Variants in TF observed in about 807,000 individuals in gnomAD.
TF encodes transferrin.
A neutral mutation model predicts 82.4 loss-of-function variants in TF; 55 were observed. That is an observed-to-expected ratio of 0.67 (90% CI 0.54 to 0.84). TF has a LOEUF of 0.84. Among genes scored for constraint, TF ranks in the 40% least tolerant of loss-of-function variants. TF has a pLI of 0.00. For missense variants in TF, 737 were observed against 868.4 expected (o/e 0.85, Z 1.90); for synonymous variants, 332 against 332.6 (o/e 1.00, Z 0.02).
chr3:133,764,320 C>T (rs767611096), intron 10 of TF, 45 bp downstream of exon 10: 5 of 1,488,752 alleles, frequency 3.4e-6, no homozygotes, highest in African/African-American at 1.4e-5. Flanking sequence ...CCCTCAGGGC[C>T]ATGGAGAGAG....
intron 14 of TF, chr3:133,774,939 G>T: frequency 2.6e-6 from 1 of 388,216 alleles, no homozygotes; most frequent in South Asian, 2.0e-5. Context: ...GTATCACACA[G>T]GTGTGTGCAC....
At chr3:133,719,397 A>G in the TF span, among the ~76,000 whole-genome samples, 1 of 152,094 alleles carries the variant, frequency 6.6e-6, no homozygotes, top group African/African-American at 2.4e-5. Context: ...TGTCCATGAC[A>G]TTTTCCCCTA....
At chr3:133,726,373 G>A in the TF span, among the ~76,000 whole-genome samples, 2 of 152,006 alleles carry the variant, frequency 1.3e-5, no homozygotes, top group African/African-American at 4.8e-5. Flanking sequence ...ACTTCTTCCT[G>A]GTTTAGTCTT....
At chr3:133,705,132 G>T in the TF span, among the ~76,000 whole-genome samples, 1 of 152,120 alleles carries the variant, frequency 6.6e-6, no homozygotes, top group Non-Finnish European at 1.5e-5. Context: ...AAAATTAGCA[G>T]GGCATGGCAG....
rs1933603249 is a variant in TF, at chr3:133,749,518, GA to G, written c.216+939del. On this transcript the variant is annotated intron_variant, in intron 2 of 16. Coordinates refer to ENST00000402696, the MANE Select transcript of TF (RefSeq NM_001063.4). The stretch of plus-strand genomic sequence containing the variant: ...AAAATGTGGGGATGTACAATGGAGG[GA>G]AAAAGGAGAGTGTTCTGACAGGGAC... 7.2e-5 allele frequency among the ~76,000 whole-genome samples: 11 copies of G among 152,278 alleles called. No homozygotes were observed. In the South Asian group the frequency reaches 2.3e-3, roughly 32 times the overall value.
chr3:133,768,674 A>G (rs767241084), intron 13 of TF, among the ~76,000 whole-genome samples: 1 of 152,118 alleles, frequency 6.6e-6, no homozygotes, highest in Admixed American at 6.5e-5. Context: ...ATCCAGAACA[A>G]TACTCATCTG....
the TF span, among the ~76,000 whole-genome samples, chr3:133,705,935 A>G: frequency 7.2e-5 from 11 of 152,320 alleles, no homozygotes; most frequent in South Asian, 4.1e-4. Context: ...TTTGCAGGGC[A>G]CTTTATAGTT....
At chr3:133,725,669 C>T in the TF span, among the ~76,000 whole-genome samples, 1 of 151,334 alleles carries the variant, frequency 6.6e-6, no homozygotes, top group South Asian at 2.1e-4. Context: ...GCCTAATTGC[C>T]CTGGCCAGAA....
chr3:133,736,241 G>C, the TF span, among the ~76,000 whole-genome samples: 1 of 152,140 alleles, frequency 6.6e-6, no homozygotes, highest in African/African-American at 2.4e-5. Flanking sequence ...ATCCTTTACA[G>C]ACAAGCAACT....
At chr3:133,690,110 A>T in the TF span, among the ~76,000 whole-genome samples, 1 of 152,180 alleles carries the variant, frequency 6.6e-6, no homozygotes, top group African/African-American at 2.4e-5. Context: ...CATAGACATA[A>T]CTAGATAAAT....
At chr3:133,706,821 T>C in the TF span, among the ~76,000 whole-genome samples, 1 of 152,140 alleles carries the variant, frequency 6.6e-6, no homozygotes, top group Non-Finnish European at 1.5e-5. Context: ...GAGTGCAAAG[T>C]TGAGGCATCA....
chr3:133,723,449 T>C, the TF span, among the ~76,000 whole-genome samples: 2 of 150,880 alleles, frequency 1.3e-5, no homozygotes, highest in African/African-American at 4.8e-5. Flanking sequence ...ATAAGTACCA[T>C]AGGGTTTCTT....
rs1934543013 is a variant in TF, at chr3:133,782,704, C to T, written c.*4084C>T. ...GGCGCAGTGGCTCACTCCTGTAATCCCAGGACTTTGGGAGGCAGAGGTGGG... is the reference window on the plus strand; with the variant it reads ...GGCGCAGTGGCTCACTCCTGTAATCTCAGGACTTTGGGAGGCAGAGGTGGG... On this transcript the variant is annotated 3_prime_UTR_variant, in exon 17 of 17. Transcript: ENST00000402696. 3 of 151,238 alleles carry T rather than the reference C, an allele frequency of 2.0e-5. No individual in the cohort carries two copies. The highest frequency in any genetic ancestry group is 7.3e-5 in the African/African-American group (3 of 41,100). 9.4% of individuals were successfully genotyped at this position (151,238 alleles called of 1,614,324 possible).
At chr3:133,758,202 T>A (rs1253699239) in intron 8 of TF, among the ~76,000 whole-genome samples, 1 of 152,206 alleles carries the variant, frequency 6.6e-6, no homozygotes, top group Non-Finnish European at 1.5e-5. Context: ...TTTGCATCAA[T>A]CAGGACTGCC....
rs1216682537 is a variant in TF at position 133,781,292 on chromosome 3, GACA to G, written c.*2677_*2679del. Reference sequence around the variant, plus strand: ...GATCGCACCATTGCACTCCAGTCTAGACAACAAGAGCAAAACTCTGTCTCAAAA... The same window carrying G: ...GATCGCACCATTGCACTCCAGTCTAGACAAGAGCAAAACTCTGTCTCAAAA... On this transcript the variant is annotated 3_prime_UTR_variant, in exon 17 of 17. Coordinates refer to ENST00000402696, the MANE Select transcript of TF (RefSeq NM_001063.4). The G allele has an allele frequency of 1.3e-5, 2 of 151,810 alleles. No homozygotes were observed. Among genetic ancestry groups the G allele is most frequent in the African/African-American group, 4.8e-5 (2 of 41,318 alleles). 9.4% of individuals were successfully genotyped at this position (151,810 alleles called of 1,614,324 possible).
At chr3:133,723,705 C>G in the TF span, among the ~76,000 whole-genome samples, 11 of 149,370 alleles carry the variant, frequency 7.4e-5, no homozygotes, top group African/African-American at 2.7e-4. Context: ...TGTGCACAAT[C>G]TGCAGGTTAG....
chr3:133,698,020 T>TCTCCACTTCAGC, the TF span, among the ~76,000 whole-genome samples: 1 of 152,204 alleles, frequency 6.6e-6, no homozygotes, highest in African/African-American at 2.4e-5. Context: ...AACAAGACTG[T>TCTCCACTTCAGC]CTCCACTTCA....
At chr3:133,732,700 C>T in the TF span, among the ~76,000 whole-genome samples, 2 of 152,180 alleles carry the variant, frequency 1.3e-5, no homozygotes, top group African/African-American at 2.4e-5. Flanking sequence ...ACTCCAGACA[C>T]GTCTGAACAT....
chr3:133,685,889 A>G, the TF span, among the ~76,000 whole-genome samples: 3 of 152,212 alleles, frequency 2.0e-5, no homozygotes, highest in Admixed American at 2.0e-4. Flanking sequence ...CATATTGCCA[A>G]GACAATCCTA....
Sources: gnomAD v4.1 joint callset for allele counts (sites outside exome capture counted in the v4.1 genomes callset) on GRCh38, gnomAD v4.1.1 for gene constraint, MANE v1.5 for transcripts, NCBI Gene and HGNC (gene_info 2026-07-23, HGNC 2026-07-21) for gene names.